ZNF721: variants seen among roughly 807,000 people sequenced by gnomAD.
ZNF721 encodes zinc finger protein 721.
Under a neutral mutation model 2.4 loss-of-function variants are expected in ZNF721, and 2 were observed. The ratio of observed to expected loss-of-function variants is 0.82; its 90% CI spans 0.34 to 2.58. The LOEUF (loss-of-function observed/expected upper bound fraction) is 2.58, where lower values mean the gene tolerates loss of function less well. Among genes scored for constraint, ZNF721 ranks in the 30% most tolerant of loss-of-function variants. The pLI, the probability that ZNF721 is intolerant of heterozygous loss-of-function variation, is 0.11. For synonymous variants in ZNF721, 398 were observed against 381.8 expected (o/e 1.04, Z -0.50); for missense variants, 1,187 against 1,085.5 (o/e 1.09, Z -1.31).
At chr4:473,094 A>T (rs2108712710) in intron 1 of ZNF721, among the ~76,000 whole-genome samples, 1 of 152,240 alleles carries the variant, frequency 6.6e-6, no homozygotes, top group East Asian at 1.9e-4. Flanking sequence ...ACAGGATGTG[A>T]GGGGAGGGCA....
Position 441,985 on chromosome 4 carries a change from T to C in ZNF721, c.2482A>G (p.Arg828Gly), listed in dbSNP as rs372136487. 5 of 1,613,960 alleles carry C rather than the reference T, an allele frequency of 3.1e-6. No homozygotes were observed. The highest frequency in any genetic ancestry group is 2.2e-5 in the East Asian group (1 of 44,880). Residue 828 changes from arginine (R) to glycine (G), a missense_variant, in exon 3 of 3, where the codon AGG (arginine) becomes GGG (glycine). Physicochemically the swap from Arg to Gly is moderately radical, Grantham distance 125. Coordinates refer to ENST00000511833, the MANE Select transcript of ZNF721 (RefSeq NM_133474.4). ...FTSSTTLTKHRRIHTGEKPYT... is the reference protein window; with the variant it reads ...FTSSTTLTKHGRIHTGEKPYT... ...GGTTTCTCTCCAGTATGAATTCTCC[T>C]ATGTTTAGTAAGGGTTGTGGAACTA... is the stretch of plus-strand genomic sequence containing the variant.
intron 1 of ZNF721, among the ~76,000 whole-genome samples, chr4:478,112 C>T (rs1715679491): frequency 6.6e-6 from 1 of 152,196 alleles, no homozygotes; most frequent in South Asian, 2.1e-4. Context: ...GACCAGCCGA[C>T]TCCTCTTGTA....
Position 442,580 on chromosome 4 carries a change from A to AT in ZNF721, c.1886dup (p.Asn629LysfsTer16), listed in dbSNP as rs1317003961. The AT allele has an allele frequency of 1.2e-6, 2 of 1,613,766 alleles. No individual in the cohort carries two copies. Among genetic ancestry groups the AT allele is most frequent in the Non-Finnish European group, 1.7e-6 (2 of 1,179,884 alleles). ...CCCCAGTGTAAATTTTCTTCTGTTG[A>AT]TTCAGGTCCGTGTACCATACAAAGT... On this transcript the variant is annotated frameshift_variant, in exon 3 of 3. Transcript: ENST00000511833. LOFTEE classifies it low-confidence loss of function (END_TRUNC).
chr4:441,448 ATTTT>A lies in ZNF721; in HGVS notation c.*243_*246del. ...ATTGGAAGTCTTTGCCACATTTTTA[ATTTT>A]AATTTGGCTTCTCATCAATATAATT... On this transcript the variant is annotated 3_prime_UTR_variant, in exon 3 of 3. Coordinates refer to ENST00000511833, the MANE Select transcript of ZNF721 (RefSeq NM_133474.4). The A allele has an allele frequency of 2.7e-6, 1 of 364,910 alleles. No homozygotes were observed. The highest frequency in any genetic ancestry group is 4.9e-6 in the Non-Finnish European group (1 of 203,894). The allele number at this position is 364,910 out of a possible 1,614,324, so 22.6% of individuals were successfully genotyped here. A position where few individuals can be genotyped will look rare whatever the true frequency, so the allele number is the denominator to read the frequency against.
intron 2 of ZNF721, among the ~76,000 whole-genome samples, chr4:446,500 C>T (rs782588802): frequency 6.6e-6 from 1 of 151,476 alleles, no homozygotes; most frequent in Non-Finnish European, 1.5e-5. Flanking sequence ...TCTGCCTCAG[C>T]CTCCTGAGTA....
chr4:465,313 G>A (rs1337743889), intron 2 of ZNF721, among the ~76,000 whole-genome samples: 1 of 152,174 alleles, frequency 6.6e-6, no homozygotes, highest in East Asian at 1.9e-4. Context: ...TTTGATATTG[G>A]AGAGTTGAGG....
At chr4:485,254 C>T (rs1280068038) in intron 1 of ZNF721, among the ~76,000 whole-genome samples, 1 of 152,062 alleles carries the variant, frequency 6.6e-6, no homozygotes, top group Admixed American at 6.5e-5. Context: ...TTATTCTTGC[C>T]CTGACCCTTG....
At chr4:487,949 G>A (rs1560244473) in intron 1 of ZNF721, among the ~76,000 whole-genome samples, 1 of 152,198 alleles carries the variant, frequency 6.6e-6, no homozygotes, top group South Asian at 2.1e-4. Flanking sequence ...AAAGGACAGT[G>A]CCTTGGAGTG....
intron 1 of ZNF721, among the ~76,000 whole-genome samples, chr4:494,893 A>AT (rs34855684): frequency 0.73 from 101,936 of 139,384 alleles, 40,701 homozygotes; most frequent in Non-Finnish European, 0.88. Flanking sequence ...CAGTGCACTT[A>AT]TTTTTTTTTT....
rs1329610857 is a variant in ZNF721, at chr4:440,347, T to C, written c.*1348A>G. 1.3e-5 allele frequency: 2 copies of C among 152,234 alleles called. No individual in the cohort carries two copies. The highest frequency in any genetic ancestry group is 2.4e-5 in the African/African-American group (1 of 41,464). 9.4% of individuals were successfully genotyped at this position (152,234 alleles called of 1,614,324 possible). ...TCACATGCTTTCACATAAATGAGAA[T>C]GTTGAAATAGTATAATTTTAGAGTT... On this transcript the variant is annotated 3_prime_UTR_variant, in exon 3 of 3. Transcript: ENST00000511833.
At chr4:488,174 A>AATT (rs1715941837) in intron 1 of ZNF721, among the ~76,000 whole-genome samples, 1 of 152,140 alleles carries the variant, frequency 6.6e-6, no homozygotes, top group South Asian at 2.1e-4. Flanking sequence ...TCACTTTAAT[A>AATT]AATTCTTGCT....
Position 441,804 on chromosome 4 carries a change from G to T in ZNF721, c.2663C>A (p.Thr888Asn). The part of the protein sequence containing the change: ...ANLYAHKKIH[T>N]GEKPYTCGDC... Reference sequence around the variant, plus strand: ...TCCACACGTGTAGGGTTTCTCTCCAGTATGAATTTTCTTATGCGCATAAAG... The same window carrying T: ...TCCACACGTGTAGGGTTTCTCTCCATTATGAATTTTCTTATGCGCATAAAG... Residue 888 changes from threonine to asparagine, a missense_variant, in exon 3 of 3, where the codon ACT (threonine) becomes AAT (asparagine). Transcript: ENST00000511833. 6.2e-7 allele frequency: 1 copy of T among 1,613,916 alleles called. No individual in the cohort carries two copies. The highest frequency in any genetic ancestry group is 8.5e-7 in the Non-Finnish European group (1 of 1,179,938).
chr4:483,298 C>A (rs182443278), intron 1 of ZNF721, among the ~76,000 whole-genome samples: 2 of 152,256 alleles, frequency 1.3e-5, no homozygotes, highest in Admixed American at 6.5e-5. Flanking sequence ...CGCCTGTAAT[C>A]CCAGCACTTT....
chr4:463,440 CAA>C (rs556928884), intron 2 of ZNF721, among the ~76,000 whole-genome samples: 207 of 152,198 alleles, frequency 1.4e-3, no homozygotes, highest in Non-Finnish European at 2.4e-3. Flanking sequence ...CATTCTACTA[CAA>C]AGACACATGA....
chr4:481,566 CTTTT>C (rs1715769279), intron 1 of ZNF721, among the ~76,000 whole-genome samples: 1 of 143,202 alleles, frequency 7.0e-6, no homozygotes, highest in Non-Finnish European at 1.5e-5. Context: ...CATCTTTGTT[CTTTT>C]CTTTCTTTTT....
chr4:478,913 G>C (rs1406030757), intron 1 of ZNF721, among the ~76,000 whole-genome samples: 1 of 151,920 alleles, frequency 6.6e-6, no homozygotes, highest in African/African-American at 2.4e-5. Flanking sequence ...GGGATTACAG[G>C]CACCCACCAC....
chr4:475,539 A>G (rs771650849), intron 1 of ZNF721, among the ~76,000 whole-genome samples: 4 of 152,114 alleles, frequency 2.6e-5, no homozygotes, highest in Non-Finnish European at 5.9e-5. Flanking sequence ...CTCTATGGTC[A>G]TTACTCATAC....
rs202057586 is a variant in ZNF721, at chr4:444,033, T to G, written c.434A>C (p.Asp145Ala). 48 of 1,613,556 alleles carry G rather than the reference T, an allele frequency of 3.0e-5. 1 individual carries two copies. The highest frequency in any genetic ancestry group is 3.6e-5 in the Non-Finnish European group (42 of 1,179,666). Residue 145 changes from aspartate to alanine, a missense_variant, in exon 3 of 3, where the codon GAC becomes GCC. Physicochemically the swap from Asp to Ala is moderately radical, Grantham distance 126. Coordinates refer to ENST00000511833, the MANE Select transcript of ZNF721 (RefSeq NM_133474.4). ...KPYTCEERGKDFGWYTDLNQH... is the reference protein window; with the variant it reads ...KPYTCEERGKAFGWYTDLNQH... The stretch of plus-strand genomic sequence containing the variant: ...ATTCAGGTCTGTGTACCATCCAAAG[T>G]CTTTGCCACGTTCTTCACAAGTGTA...
At chr4:467,045 C>T (rs1471436230) in intron 2 of ZNF721, among the ~76,000 whole-genome samples, 4 of 151,866 alleles carry the variant, frequency 2.6e-5, no homozygotes, top group East Asian at 1.9e-4. Flanking sequence ...GGTGAAACCC[C>T]GTCTCTACTA....
Sources: gnomAD v4.1 joint callset for allele counts (sites outside exome capture counted in the v4.1 genomes callset) on GRCh38, gnomAD v4.1.1 for gene constraint, MANE v1.5 for transcripts, NCBI Gene and HGNC (gene_info 2026-07-23, HGNC 2026-07-21) for gene names.